Variants in HEXD observed in about 807,000 individuals in gnomAD.
HEXD encodes the protein N-acetyl-beta-galactosaminidase.
Under a neutral mutation model 54.2 loss-of-function variants are expected in HEXD, and 47 were observed. The ratio of observed to expected loss-of-function variants is 0.87; its 90% CI spans 0.69 to 1.11. The LOEUF (loss-of-function observed/expected upper bound fraction) is 1.11. Among genes scored for constraint, HEXD ranks in the 50% least tolerant of loss-of-function variants. The pLI is 0.00. For missense variants in HEXD, 576 were observed against 649.2 expected, an observed-to-expected ratio of 0.89 and a Z score of 1.23; for synonymous variants, 293 against 287.6, an observed-to-expected ratio of 1.02 and a Z score of -0.19.
chr17:82,418,488 G>T lies in HEXD; in HGVS notation c.-304G>T. ...GCGGCCCTCCGCTGAGGAGCCATCG[G>T]ACCAGGCCGCCGCGGAGCCGGGCCG... On this transcript the variant is annotated 5_prime_UTR_variant, in exon 1 of 13. Transcript: ENST00000327949. 1 of 1,412,504 alleles carries T rather than the reference G, an allele frequency of 7.1e-7. No individual in the cohort carries two copies. Among genetic ancestry groups the T allele is most frequent in the South Asian group, 1.4e-5 (1 of 70,040 alleles). The allele number at this position is 1,412,504 out of a possible 1,614,324, so 87.5% of individuals were successfully genotyped here. A position where few individuals can be genotyped will look rare whatever the true frequency, so the allele number is the denominator to read the frequency against.
At chr17:82,440,334 G>A (rs1004558065) in intron 9 of HEXD, 8 of 1,238,142 alleles carry the variant, frequency 6.5e-6, no homozygotes, top group Admixed American at 5.5e-5. Context: ...GGACGCGGCC[G>A]GTGAGAGGAC....
chr17:82,427,127 C>A (rs1347224291), intron 3 of HEXD: 2 of 148,994 alleles, frequency 1.3e-5, no homozygotes, highest in African/African-American at 2.5e-5. Context: ...CAGAGCTAGA[C>A]TCCGTCTCAA....
rs1393380209 is a variant in HEXD at position 82,433,753 on chromosome 17, G to A, written c.378G>A (p.Val126=). The change falls in exon 5 of 13, where the codon GTG becomes GTA. Residue 126 remains valine, a synonymous_variant. Coordinates refer to ENST00000327949, the MANE Select transcript of HEXD (RefSeq NM_001330542.2). ...NPHEAESLAL[V]GAMIDQVLEL... is the part of the protein sequence containing the mutation. ...ACGAGGCAGAGTCCCTGGCGCTGGTGGGCGCCATGATTGACCAGGTCCTGG... is the reference window on the plus strand; with the variant it reads ...ACGAGGCAGAGTCCCTGGCGCTGGTAGGCGCCATGATTGACCAGGTCCTGG... 6.2e-7 allele frequency: 1 copy of A among 1,613,030 alleles called. No individual in the cohort carries two copies. Among genetic ancestry groups the A allele is most frequent in the Admixed American group, 1.7e-5 (1 of 59,976 alleles).
chr17:82,440,314 C>A (rs1190380075), intron 9 of HEXD: 1 of 1,258,352 alleles, frequency 7.9e-7, no homozygotes, highest in Non-Finnish European at 1.0e-6. Flanking sequence ...GCGCGGCGGC[C>A]CAGGGACGGG....
At chr17:82,423,856 G>A (rs375972256) in intron 2 of HEXD, among the ~76,000 whole-genome samples, 2 of 151,056 alleles carry the variant, frequency 1.3e-5, no homozygotes, top group East Asian at 3.9e-4. Flanking sequence ...GTGGGGAGGA[G>A]AATAAGGGGG....
chr17:82,423,805 T>C (rs1245322713), intron 2 of HEXD, among the ~76,000 whole-genome samples: 6 of 131,920 alleles, frequency 4.5e-5, no homozygotes, highest in Admixed American at 7.9e-5. Context: ...AGAGCGAGAC[T>C]CCATCTCAAA....
chr17:82,439,622 T>C lies in HEXD; in HGVS notation c.900-9T>C, dbSNP rs747236560. 7 of 1,535,220 alleles carry C rather than the reference T, an allele frequency of 4.6e-6. No homozygotes were observed. The highest frequency in any genetic ancestry group is 1.4e-5 in the African/African-American group (1 of 73,604). On this transcript the variant is annotated splice_polypyrimidine_tract_variant and intron_variant, in intron 8 of 12. Coordinates refer to ENST00000327949, the MANE Select transcript of HEXD (RefSeq NM_001330542.2). ...GCTGCGGAGCTAAGCGCCCCTCTCA[T>C]GGACCCAGGTACGACCACTACTCTG...
At position 82,441,204 on chromosome 17, in the gene HEXD, C is replaced by G; in HGVS notation, c.1101C>G (p.Ala367=). The part of the protein sequence containing the change: ...AGSFPGSNIL[A]LVTQVSLHLR... ...CCTTCCCTGGCAGCAACATCCTTGC[C>G]CTTGTCACACAAGTCAGCCTCCATC... The change falls in exon 11 of 13, where the codon GCC becomes GCG. Residue 367 remains alanine (A), a synonymous_variant. Transcript: ENST00000327949. 3 of 1,613,168 alleles carry G rather than the reference C, an allele frequency of 1.9e-6. No individual in the cohort carries two copies. Among genetic ancestry groups the G allele is most frequent in the Non-Finnish European group, 2.5e-6 (3 of 1,179,988 alleles).
At chr17:82,425,387 G>T (rs1240917177) in intron 3 of HEXD, 1 of 173,534 alleles carries the variant, frequency 5.8e-6, no homozygotes. Context: ...GCTGGAGGAG[G>T]CTGTAGAAGG....
At chr17:82,436,912 C>T (rs908583884) in intron 7 of HEXD, 174 bp downstream of exon 7, 14 of 639,938 alleles carry the variant, frequency 2.2e-5, no homozygotes, top group Admixed American at 8.7e-5. Context: ...CACCGTGCAC[C>T]GGTGCCTCAC....
intron 12 of HEXD, 34 bp downstream of exon 12, chr17:82,441,923 A>G (rs1361403148): frequency 1.3e-6 from 2 of 1,593,214 alleles, no homozygotes; most frequent in South Asian, 1.1e-5. Context: ...CCGTGCAGCC[A>G]TGGGTTCCCT....
chr17:82,422,830 G>A (rs2143390187), intron 2 of HEXD, among the ~76,000 whole-genome samples: 1 of 152,292 alleles, frequency 6.6e-6, no homozygotes, highest in South Asian at 2.1e-4. Flanking sequence ...GCTGAGGAGG[G>A]TGGATCACCT....
chr17:82,430,891 G>T (rs1237198632), intron 4 of HEXD, among the ~76,000 whole-genome samples: 1 of 152,090 alleles, frequency 6.6e-6, no homozygotes, highest in African/African-American at 2.4e-5. Flanking sequence ...AGATCACAAA[G>T]ATTTTTCTTG....
At chr17:82,428,754 G>C in intron 4 of HEXD, 109 bp downstream of exon 4, 1 of 861,912 alleles carries the variant, frequency 1.2e-6, no homozygotes, top group East Asian at 2.4e-5. Context: ...TGGTTGGGGT[G>C]CAGGCAGCGC....
Position 82,420,086 on chromosome 17 carries a change from A to G in HEXD, c.84+203A>G, listed in dbSNP as rs533020083. 55 of 375,522 alleles carry G rather than the reference A, an allele frequency of 1.5e-4. No homozygotes were observed. The South Asian group carries it at 4.6e-3, about 31-fold the overall frequency. The allele number at this position is 375,522 out of a possible 1,614,324, so 23.3% of individuals were successfully genotyped here. ...GAACAACCAGGATGACAAAAGGGAA[A>G]AAAAAAAAAGACAGAGAACAAAAGA... On this transcript the variant is annotated intron_variant, in intron 2 of 12. Transcript: ENST00000327949.
Position 82,420,066 on chromosome 17 carries a change from A to T in HEXD, c.84+183A>T, listed in dbSNP as rs74592381. Reference sequence around the variant, plus strand: ...CATAGCCTCTCACAAAAACAGAACAACCAGGATGACAAAAGGGAAAAAAAA... The same window carrying T: ...CATAGCCTCTCACAAAAACAGAACATCCAGGATGACAAAAGGGAAAAAAAA... On this transcript the variant is annotated intron_variant, in intron 2 of 12. Transcript: ENST00000327949. The T allele has an allele frequency of 8.2e-4, 318 of 385,978 alleles. 4 individuals carry two copies. In the East Asian group the frequency reaches 0.011, roughly 14 times the overall value. 23.9% of individuals were successfully genotyped at this position (385,978 alleles called of 1,614,324 possible). A position where few individuals can be genotyped will look rare whatever the true frequency, so the allele number is the denominator to read the frequency against.
Position 82,437,238 on chromosome 17 carries a change from C to A in HEXD, c.774C>A (p.Ala258=), listed in dbSNP as rs2053796296. 2 of 1,610,892 alleles carry A rather than the reference C, an allele frequency of 1.2e-6. No individual in the cohort carries two copies. Among genetic ancestry groups the A allele is most frequent in the Non-Finnish European group, 1.7e-6 (2 of 1,178,564 alleles). Reference sequence around the variant, plus strand: ...GGGCAGCCAGTGCCTTCAAGGGTGCCACGGGGCCCAGCCAGGCCGTGCCCC... The same window carrying A: ...GGGCAGCCAGTGCCTTCAAGGGTGCAACGGGGCCCAGCCAGGCCGTGCCCC... ...QLWAASAFKG[A]TGPSQAVPPV... Residue 258 remains alanine, a synonymous_variant, in exon 8 of 13, where the codon GCC becomes GCA. Coordinates refer to ENST00000327949, the MANE Select transcript of HEXD (RefSeq NM_001330542.2).
Position 82,436,758 on chromosome 17 carries a change from G to A in HEXD, c.703+20G>A. 1.2e-6 allele frequency: 2 copies of A among 1,606,192 alleles called. No homozygotes were observed. Among genetic ancestry groups the A allele is most frequent in the South Asian group, 2.2e-5 (2 of 89,962 alleles). On this transcript the variant is annotated intron_variant, in intron 7 of 12. Coordinates refer to ENST00000327949, the MANE Select transcript of HEXD (RefSeq NM_001330542.2). ...GCAAGGGTCAGTGCCAAGTTGTGGG[G>A]GGTGTGTTGTCCTGGCCATGTGCCT...
At chr17:82,426,631 A>T (rs1043532864) in intron 3 of HEXD, 1 of 152,170 alleles carries the variant, frequency 6.6e-6, no homozygotes, top group Non-Finnish European at 1.5e-5. Context: ...TACTCAAATC[A>T]AAGAAACTAA....
Sources: allele counts gnomAD v4.1 joint callset (sites outside exome capture counted in the v4.1 genomes callset), GRCh38; gene constraint gnomAD v4.1.1; transcripts MANE v1.5; gene names NCBI Gene and HGNC (gene_info 2026-07-23, HGNC 2026-07-21).